SPPL2C: variants seen among roughly 807,000 people sequenced by gnomAD.
SPPL2C encodes signal peptide peptidase like 2C, also known as signal peptide peptidase-like 2C.
In SPPL2C, 33 loss-of-function variants were observed where a neutral mutation model predicts 38.8. The observed-to-expected ratio is 0.85, with a 90% CI of 0.64 to 1.14. The LOEUF is 1.14. Among genes scored for constraint, SPPL2C ranks in the 50% most tolerant of loss-of-function variants. The pLI, the probability that SPPL2C is intolerant of heterozygous loss-of-function variation, is 0.00. For missense variants in SPPL2C, 899 were observed against 904.4 expected (o/e 0.99, Z 0.08); for synonymous variants, 384 against 390.7 (o/e 0.98, Z 0.20).
Position 45,846,086 on chromosome 17 carries a change from C to T in SPPL2C, c.1180C>T (p.Pro394Ser). 4 of 1,614,190 alleles carry T rather than the reference C, an allele frequency of 2.5e-6. No individual in the cohort carries two copies. Among genetic ancestry groups the T allele is most frequent in the Non-Finnish European group, 3.4e-6 (4 of 1,180,026 alleles). The change falls in exon 1 of 1, where the codon CCC (proline) becomes TCC (serine). Residue 394 changes from proline (P) to serine (S), a missense_variant. Transcript: ENST00000329196. ...AFDVFFVFVT[P>S]FFTKTGESIM... Reference sequence around the variant, plus strand: ...TGATGTCTTCTTTGTCTTCGTCACCCCCTTCTTCACCAAAACCGGTGAGAG... The same window carrying T: ...TGATGTCTTCTTTGTCTTCGTCACCTCCTTCTTCACCAAAACCGGTGAGAG...
In SPPL2C at chr17:45,846,860, G is replaced by A. The variant is rs140327700; in HGVS notation, c.1954G>A (p.Ala652Thr). The A allele has an allele frequency of 3.4e-5, 55 of 1,612,488 alleles. No individual in the cohort carries two copies. The highest frequency in any genetic ancestry group is 4.6e-5 in the Non-Finnish European group (54 of 1,179,374). The change falls in exon 1 of 1, where the codon GCC (alanine) becomes ACC (threonine). Residue 652 changes from alanine to threonine, a missense_variant. Physicochemically the swap from Ala to Thr is moderately conservative, Grantham distance 58. Transcript: ENST00000329196. ...PPPSELGHVH[A>T]QAQAHETGLP... ...GCCCTCAGAGCTGGGCCATGTCCAT[G>A]CCCAGGCCCAGGCCCACGAGACTGG...
At position 45,846,442 on chromosome 17, in the gene SPPL2C, C is replaced by G. The variant is rs778407683; in HGVS notation, c.1536C>G (p.Ser512Arg). The G allele has an allele frequency of 6.2e-7, 1 of 1,613,070 alleles. No homozygotes were observed. The highest frequency in any genetic ancestry group is 8.5e-7 in the Non-Finnish European group (1 of 1,180,036). ...LYLVSSTLLT[S>R]LAVAACRQEL... is the part of the protein sequence containing the mutation. ...TAGTGTCCAGCACCCTGCTCACCAGCCTGGCTGTGGCTGCCTGCCGCCAAG... is the reference window on the plus strand; with the variant it reads ...TAGTGTCCAGCACCCTGCTCACCAGGCTGGCTGTGGCTGCCTGCCGCCAAG... Residue 512 changes from serine to arginine, a missense_variant, in exon 1 of 1, where the codon AGC (serine) becomes AGG (arginine). By Grantham distance (110) the Ser-to-Arg change is moderately radical. Coordinates refer to ENST00000329196, the MANE Select transcript of SPPL2C (RefSeq NM_175882.3).
chr17:45,845,382 T>C lies in SPPL2C; in HGVS notation c.476T>C (p.Leu159Pro), dbSNP rs1597745652. The C allele has an allele frequency of 1.9e-6, 3 of 1,613,794 alleles. No individual in the cohort carries two copies. Among genetic ancestry groups the C allele is most frequent in the East Asian group, 2.2e-5 (1 of 44,890 alleles). ...GCTATGCTCCACTATGCTGACATGC[T>C]GGACATCCTCAGCCACACTCGTGGG... ...PVAMLHYADM[L>P]DILSHTRGEA... The change falls in exon 1 of 1, where the codon CTG becomes CCG. Residue 159 changes from leucine (L) to proline (P), a missense_variant. Transcript: ENST00000329196.
In SPPL2C at chr17:45,844,893, A is replaced by G; in HGVS notation, c.-14A>G. ...GGCTGCCGCCCGCAGATGTTGCAGTAGGAACTGAAGAAGATGGCGTGCCTG... is the reference window on the plus strand; with the variant it reads ...GGCTGCCGCCCGCAGATGTTGCAGTGGGAACTGAAGAAGATGGCGTGCCTG... On this transcript the variant is annotated 5_prime_UTR_variant, in exon 1 of 1. It removes the in-frame stop codon of an upstream open reading frame in the 5' UTR. Coordinates refer to ENST00000329196, the MANE Select transcript of SPPL2C (RefSeq NM_175882.3). The G allele has an allele frequency of 1.3e-6, 2 of 1,585,912 alleles. No individual in the cohort carries two copies. The highest frequency in any genetic ancestry group is 1.7e-6 in the Non-Finnish European group (2 of 1,161,410).
At position 45,845,119 on chromosome 17, in the gene SPPL2C, G is replaced by T; in HGVS notation, c.213G>T (p.Pro71=). ...LYDGTKAPWC[P]GEDSPHQAQL... ...ATGGCACCAAGGCACCCTGGTGCCC[G>T]GGTGAGGATTCCCCCCACCAGGCCC... Residue 71 remains proline, a synonymous_variant, in exon 1 of 1, where the codon CCG becomes CCT. Transcript: ENST00000329196. The T allele has an allele frequency of 6.2e-7, 1 of 1,611,094 alleles. No homozygotes were observed. The highest frequency in any genetic ancestry group is 8.5e-7 in the Non-Finnish European group (1 of 1,177,642).
rs745530293 is a variant in SPPL2C, at chr17:45,845,118, C to T, written c.212C>T (p.Pro71Leu). The T allele has an allele frequency of 2.5e-6, 4 of 1,611,504 alleles. No homozygotes were observed. The highest frequency in any genetic ancestry group is 2.2e-5 in the East Asian group (1 of 44,752). ...GATGGCACCAAGGCACCCTGGTGCC[C>T]GGGTGAGGATTCCCCCCACCAGGCC... ...LYDGTKAPWC[P>L]GEDSPHQAQL... The change falls in exon 1 of 1, where the codon CCG becomes CTG. Residue 71 changes from proline to leucine, a missense_variant. Physicochemically the swap from Pro to Leu is moderately conservative, Grantham distance 98 (BLOSUM62 -3). Coordinates refer to ENST00000329196, the MANE Select transcript of SPPL2C (RefSeq NM_175882.3).
Position 45,846,606 on chromosome 17 carries a change from G to A in SPPL2C, c.1700G>A (p.Arg567Gln), listed in dbSNP as rs569133786. The A allele has an allele frequency of 8.1e-6, 13 of 1,614,164 alleles. No individual in the cohort carries two copies. The highest frequency in any genetic ancestry group is 4.5e-5 in the East Asian group (2 of 44,894). Residue 567 changes from arginine (R) to glutamine (Q), a missense_variant, in exon 1 of 1, where the codon CGA (arginine) becomes CAA (glutamine). Physicochemically the swap from Arg to Gln is conservative, Grantham distance 43. Transcript: ENST00000329196. ...AGCACACTTGAGAGAGGCACCAGCCGAGGAGCAGGGGACTTAGACAGCAAC... is the reference window on the plus strand; with the variant it reads ...AGCACACTTGAGAGAGGCACCAGCCAAGGAGCAGGGGACTTAGACAGCAAC... ...TASTLERGTS[R>Q]GAGDLDSNPG...
chr17:45,846,633 C>G lies in SPPL2C; in HGVS notation c.1727C>G (p.Pro576Arg). ...GGAGCAGGGGACTTAGACAGCAACC[C>G]TGGAGAAGACACCACTGAGATTGTC... is the stretch of plus-strand genomic sequence containing the variant. ...SRGAGDLDSN[P>R]GEDTTEIVTI... Residue 576 changes from proline (P) to arginine (R), a missense_variant, in exon 1 of 1, where the codon CCT becomes CGT. Pro to Arg is a moderately radical substitution (Grantham distance 103). Coordinates refer to ENST00000329196, the MANE Select transcript of SPPL2C (RefSeq NM_175882.3). 1.2e-6 allele frequency: 2 copies of G among 1,614,242 alleles called. No homozygotes were observed. Among genetic ancestry groups the G allele is most frequent in the Non-Finnish European group, 1.7e-6 (2 of 1,180,048 alleles).
rs2062520674 is a variant in SPPL2C, at chr17:45,844,916, C to A, written c.10C>A (p.Leu4Met). The change falls in exon 1 of 1, where the codon CTG becomes ATG. Residue 4 changes from leucine to methionine, a missense_variant. By Grantham distance (15) the Leu-to-Met change is conservative (BLOSUM62 2). Transcript: ENST00000329196. MAC[L>M]GFLLPVGFLL... ...GTAGGAACTGAAGAAGATGGCGTGC[C>A]TGGGCTTCCTCCTCCCCGTGGGCTT... 6.2e-7 allele frequency: 1 copy of A among 1,603,162 alleles called. No individual in the cohort carries two copies. The highest frequency in any genetic ancestry group is 1.7e-5 in the Admixed American group (1 of 59,680).
rs747693630 is a variant in SPPL2C, at chr17:45,844,899, TGAA to T, written c.-2_1del. On this transcript the variant is annotated 5_prime_UTR_variant, in exon 1 of 1. Transcript: ENST00000329196. ...CGCCCGCAGATGTTGCAGTAGGAAC[TGAA>T]GAAGATGGCGTGCCTGGGCTTCCTC... 1.2e-5 allele frequency: 19 copies of T among 1,595,254 alleles called. No homozygotes were observed. The African/African-American group carries it at 2.5e-4, about 21-fold the overall frequency.
Position 45,846,942 on chromosome 17 carries a change from C to T in SPPL2C, c.2036C>T (p.Ser679Leu), listed in dbSNP as rs1246140640. ...RKGLKVRKSM[S>L]TQAPL ...GGTTTGAAAGTAAGAAAGAGCATGT[C>T]GACCCAGGCTCCCTTGTGAACTGGA... is the stretch of plus-strand genomic sequence containing the variant. The change falls in exon 1 of 1, where the codon TCG (serine) becomes TTG (leucine). Residue 679 changes from serine to leucine, a missense_variant. Coordinates refer to ENST00000329196, the MANE Select transcript of SPPL2C (RefSeq NM_175882.3). 2.5e-5 allele frequency: 40 copies of T among 1,568,644 alleles called. No homozygotes were observed. The highest frequency in any genetic ancestry group is 3.1e-5 in the Non-Finnish European group (36 of 1,159,000).
In SPPL2C at chr17:45,845,664, C is replaced by A. The variant is rs767879204; in HGVS notation, c.758C>A (p.Pro253Gln). Residue 253 changes from proline to glutamine, a missense_variant, in exon 1 of 1, where the codon CCG (proline) becomes CAG (glutamine). Pro to Gln is a moderately conservative substitution (Grantham distance 76). Transcript: ENST00000329196. ...GAGGACATCCCAGTGGACTTCACGC[C>A]GGCCATGACAGGCGTGGTGGTCACC... is the stretch of plus-strand genomic sequence containing the variant. The part of the protein sequence containing the change: ...DNEDIPVDFT[P>Q]AMTGVVVTLS... 3 of 1,613,602 alleles carry A rather than the reference C, an allele frequency of 1.9e-6. No homozygotes were observed. The highest frequency in any genetic ancestry group is 1.7e-5 in the Admixed American group (1 of 60,010).
chr17:45,845,363 C>G lies in SPPL2C; in HGVS notation c.457C>G (p.Leu153Val). The stretch of plus-strand genomic sequence containing the variant: ...AGACCTCACCATCCCTGTGGCTATG[C>G]TCCACTATGCTGACATGCTGGACAT... Reference protein sequence around the residue: ...LADLTIPVAMLHYADMLDILS... With the variant: ...LADLTIPVAMVHYADMLDILS... The change falls in exon 1 of 1, where the codon CTC becomes GTC. Residue 153 changes from leucine to valine, a missense_variant. Coordinates refer to ENST00000329196, the MANE Select transcript of SPPL2C (RefSeq NM_175882.3). 3.1e-6 allele frequency: 5 copies of G among 1,613,948 alleles called. No homozygotes were observed. The highest frequency in any genetic ancestry group is 4.2e-6 in the Non-Finnish European group (5 of 1,180,028).
rs546882470 is a variant in SPPL2C, at chr17:45,845,638, T to A, written c.732T>A (p.Asn244Lys). Residue 244 changes from asparagine (N) to lysine (K), a missense_variant, in exon 1 of 1, where the codon AAT becomes AAA. Transcript: ENST00000329196. ...CTGAGGGAGCCCAGAAGGAAGATAA[T>A]GAGGACATCCCAGTGGACTTCACGC... Reference protein sequence around the residue: ...AAAEGAQKEDNEDIPVDFTPA... With the variant: ...AAAEGAQKEDKEDIPVDFTPA... 44 of 1,613,410 alleles carry A rather than the reference T, an allele frequency of 2.7e-5. 1 individual carries two copies. In the South Asian group the frequency reaches 4.7e-4, roughly 17 times the overall value.
Position 45,846,097 on chromosome 17 carries a change from C to T in SPPL2C, c.1191C>T (p.Thr397=). ...TTGTCTTCGTCACCCCCTTCTTCAC[C>T]AAAACCGGTGAGAGCATCATGGCGC... is the stretch of plus-strand genomic sequence containing the variant. ...VFFVFVTPFF[T]KTGESIMAQV... is the part of the protein sequence containing the mutation. Residue 397 remains threonine, a synonymous_variant, in exon 1 of 1, where the codon ACC becomes ACT. Transcript: ENST00000329196. 4 of 1,614,144 alleles carry T rather than the reference C, an allele frequency of 2.5e-6. No homozygotes were observed. Among genetic ancestry groups the T allele is most frequent in the Non-Finnish European group, 3.4e-6 (4 of 1,180,036 alleles).
At position 45,845,135 on chromosome 17, in the gene SPPL2C, C is replaced by T. The variant is rs2074180; in HGVS notation, c.229C>T (p.His77Tyr). The change falls in exon 1 of 1, where the codon CAC (histidine) becomes TAC (tyrosine). Residue 77 changes from histidine (H) to tyrosine (Y), a missense_variant. Physicochemically the swap from His to Tyr is moderately conservative, Grantham distance 83. Coordinates refer to ENST00000329196, the MANE Select transcript of SPPL2C (RefSeq NM_175882.3). ...CTGGTGCCCGGGTGAGGATTCCCCC[C>T]ACCAGGCCCAGCTCCGCTCCCCCAG... ...APWCPGEDSP[H>Y]QAQLRSPSQR... 8.5e-4 allele frequency: 1,374 copies of T among 1,610,674 alleles called. 15 individuals are homozygous for T. The African/African-American group carries it at 0.017, about 19-fold the overall frequency.
At position 45,845,818 on chromosome 17, in the gene SPPL2C, G is replaced by C. The variant is rs1597746427; in HGVS notation, c.912G>C (p.Leu304=). ...GCCTGTCACCCCTGGTGTGCCGCCT[G>C]TCCCTGCGGCAATACCAGAGGCCTC... ...YSCLSPLVCR[L]SLRQYQRPPH... is the part of the protein sequence containing the mutation. The change falls in exon 1 of 1, where the codon CTG becomes CTC. Residue 304 remains leucine, a synonymous_variant. Transcript: ENST00000329196. The C allele has an allele frequency of 5.6e-6, 9 of 1,607,258 alleles. No homozygotes were observed. In the East Asian group the frequency reaches 2.0e-4, roughly 36 times the overall value.
chr17:45,845,944 CT>C lies in SPPL2C; in HGVS notation c.1039del (p.Trp347GlyfsTer83). On this transcript the variant is annotated frameshift_variant, in exon 1 of 1. Transcript: ENST00000329196. LOFTEE classifies it high-confidence loss of function. ...GGGTGGCCTACCGCAATGAGGACCG[CT>C]GGGCGTGGCTCCTGCAGGACACACT... is the stretch of plus-strand genomic sequence containing the variant. ...FWVAYRNEDR[W>X]AWLLQDTLGI... The C allele has an allele frequency of 5.0e-6, 8 of 1,610,000 alleles. No individual in the cohort carries two copies. The highest frequency in any genetic ancestry group is 6.8e-6 in the Non-Finnish European group (8 of 1,180,008).
chr17:45,845,491 G>C lies in SPPL2C; in HGVS notation c.585G>C (p.Val195=). The change falls in exon 1 of 1, where the codon GTG becomes GTC. Residue 195 remains valine (V), a synonymous_variant. Coordinates refer to ENST00000329196, the MANE Select transcript of SPPL2C (RefSeq NM_175882.3). The part of the protein sequence containing the change: ...YNMLVIFILA[V]GTVAAGGYWA... ...TGCTGGTCATCTTCATCCTGGCTGTGGGCACAGTGGCTGCAGGCGGCTACT... is the reference window on the plus strand; with the variant it reads ...TGCTGGTCATCTTCATCCTGGCTGTCGGCACAGTGGCTGCAGGCGGCTACT... 6.2e-7 allele frequency: 1 copy of C among 1,606,084 alleles called. No homozygotes were observed. Among genetic ancestry groups the C allele is most frequent in the East Asian group, 2.2e-5 (1 of 44,794 alleles).
Sources: allele counts gnomAD v4.1 joint callset, GRCh38; gene constraint gnomAD v4.1.1; transcripts MANE v1.5; gene names NCBI Gene and HGNC (gene_info 2026-07-23, HGNC 2026-07-21).